The following NPR1 variants were observed in gnomAD, a reference collection of about 807,000 sequenced individuals.
The protein encoded by NPR1 is natriuretic peptide receptor 1.
Under a neutral mutation model 116.9 loss-of-function variants are expected in NPR1, and 57 were observed. The ratio of observed to expected loss-of-function variants is 0.49; its 90% CI spans 0.39 to 0.61. The LOEUF is 0.61. Among genes scored for constraint, NPR1 ranks in the 20% least tolerant of loss-of-function variants. The pLI, the probability that NPR1 is intolerant of heterozygous loss-of-function variation, is 0.00. For synonymous variants in NPR1, 555 were observed against 601.6 expected, an observed-to-expected ratio of 0.92 and a Z score of 1.13; for missense variants, 1,096 against 1,409.8, an observed-to-expected ratio of 0.78 and a Z score of 3.56.
chr1:153,682,615 T>C, intron 5 of NPR1, 26 bp downstream of exon 5: 1 of 1,556,696 alleles, frequency 6.4e-7, no homozygotes, highest in Non-Finnish European at 8.9e-7. Flanking sequence ...CAGAAGACAG[T>C]GCCAATTCCA....
chr1:153,686,895 C>A (rs1242108526), intron 11 of NPR1, 121 bp from the exon 12 acceptor site: 4 of 1,263,744 alleles, frequency 3.2e-6, no homozygotes, highest in African/African-American at 1.5e-5. Flanking sequence ...AGGGCAGTGG[C>A]ACTAGAGTCA....
rs1669684696 is a variant in NPR1 at position 153,679,159 on chromosome 1, CCTG to C, written c.59_61del (p.Leu20del). ...GCTCCCGCCTGCGCCTGCTCCTGCT[CCTG>C]CTGCTGCCGCCGCTGCTGCTGCTGC... On this transcript the variant is annotated inframe_deletion, in exon 1 of 22. Transcript: ENST00000368680. The surrounding 1 kb of genome is among the most constrained non-coding windows in gnomAD (Gnocchi z 4.2). 6.7e-7 allele frequency: 1 copy of C among 1,499,526 alleles called. No homozygotes were observed. The highest frequency in any genetic ancestry group is 8.8e-7 in the Non-Finnish European group (1 of 1,131,188). 92.9% of individuals were successfully genotyped at this position (1,499,526 alleles called of 1,614,324 possible).
chr1:153,686,038 G>T, intron 9 of NPR1, 85 bp from the exon 10 acceptor site: 2 of 1,465,548 alleles, frequency 1.4e-6, no homozygotes, highest in Non-Finnish European at 1.9e-6. Flanking sequence ...GGTCCTGAGG[G>T]CAGGGATGGG....
rs111230362 is a variant in NPR1 at position 153,689,120 on chromosome 1, AC to A, written c.2564+29del. Reference sequence around the variant, plus strand: ...CCTCAGTGAGTGCCTGAGTCTGGGGACCCCCCCCAACACAAAGCCCCTGTCC... The same window carrying A: ...CCTCAGTGAGTGCCTGAGTCTGGGGACCCCCCCAACACAAAGCCCCTGTCC... On this transcript the variant is annotated intron_variant, in intron 16 of 21. Transcript: ENST00000368680. The surrounding 1 kb of genome is among the most constrained non-coding windows in gnomAD (Gnocchi z 5.1). The A allele has an allele frequency of 1.0e-4, 169 of 1,610,864 alleles. No homozygotes were observed. The highest frequency in any genetic ancestry group is 9.6e-4 in the African/African-American group (71 of 74,190).
intron 20 of NPR1, among the ~76,000 whole-genome samples, chr1:153,691,774 C>G (rs576409194): frequency 6.6e-6 from 1 of 151,978 alleles, no homozygotes; most frequent in East Asian, 1.9e-4. Context: ...TGGCACGTGC[C>G]CGTAATCCCA....
Position 153,689,136 on chromosome 1 carries a change from A to T in NPR1, c.2564+37A>T, listed in dbSNP as rs778850563. The T allele has an allele frequency of 6.2e-7, 1 of 1,614,088 alleles. No homozygotes were observed. The highest frequency in any genetic ancestry group is 8.5e-7 in the Non-Finnish European group (1 of 1,179,968). On this transcript the variant is annotated intron_variant, in intron 16 of 21. Transcript: ENST00000368680. This position sits in a 1 kb window ranked among gnomAD's most constrained non-coding sequence, Gnocchi z 5.1. Reference sequence around the variant, plus strand: ...AGTCTGGGGACCCCCCCCAACACAAAGCCCCTGTCCCGACCCCCAACTCTG... The same window carrying T: ...AGTCTGGGGACCCCCCCCAACACAATGCCCCTGTCCCGACCCCCAACTCTG...
At position 153,686,198 on chromosome 1, in the gene NPR1, C is replaced by T. The variant is rs1669923300; in HGVS notation, c.1756C>T (p.His586Tyr). 2.5e-6 allele frequency: 4 copies of T among 1,613,894 alleles called. No individual in the cohort carries two copies. Among genetic ancestry groups the T allele is most frequent in the Non-Finnish European group, 3.4e-6 (4 of 1,179,872 alleles). Residue 586 changes from histidine (H) to tyrosine (Y), a missense_variant and splice_region_variant, in exon 10 of 22, where the codon CAT becomes TAT. His to Tyr is a moderately conservative substitution (Grantham distance 83). Transcript: ENST00000368680. ...LTRKVLFELKHMRDVQNEHLT... is the reference protein window; with the variant it reads ...LTRKVLFELKYMRDVQNEHLT... ...ACGAAAAGTCCTGTTTGAACTGAAGCATGTAATGTGGGGAGTGAGGCAGTG... is the reference window on the plus strand; with the variant it reads ...ACGAAAAGTCCTGTTTGAACTGAAGTATGTAATGTGGGGAGTGAGGCAGTG...
chr1:153,693,497 C>A lies in NPR1; in HGVS notation c.*83C>A. The A allele has an allele frequency of 8.0e-7, 1 of 1,252,980 alleles. No individual in the cohort carries two copies. The highest frequency in any genetic ancestry group is 1.1e-6 in the Non-Finnish European group (1 of 891,146). The allele number at this position is 1,252,980 out of a possible 1,614,324, so 77.6% of individuals were successfully genotyped here. A position where few individuals can be genotyped will look rare whatever the true frequency, so the allele number is the denominator to read the frequency against. ...TGCCAGGCCTCAGCCTCACCCACAG[C>A]AGCCCCATCGCCAAAGGATGGAAGT... is the stretch of plus-strand genomic sequence containing the variant. On this transcript the variant is annotated 3_prime_UTR_variant, in exon 22 of 22. Transcript: ENST00000368680.
chr1:153,682,640 C>T, intron 5 of NPR1, 51 bp downstream of exon 5: 1 of 1,350,362 alleles, frequency 7.4e-7, no homozygotes, highest in Non-Finnish European at 1.1e-6. Flanking sequence ...ACATCTCACC[C>T]TCCTACTTCC....
chr1:153,682,648 T>TCC, intron 5 of NPR1, 59 bp downstream of exon 5: 2 of 1,267,808 alleles, frequency 1.6e-6, no homozygotes, highest in South Asian at 1.2e-5. Context: ...CCCTCCTACT[T>TCC]CCCCCCCACA....
intron 4 of NPR1, among the ~76,000 whole-genome samples, chr1:153,682,089 C>CT (rs1456295591): frequency 6.6e-6 from 1 of 151,850 alleles, no homozygotes; most frequent in Non-Finnish European, 1.5e-5. Context: ...GAGTCTCGCT[C>CT]TGTCCCCAAG....
At chr1:153,680,362 C>T (rs1669733839) in intron 1 of NPR1, 139 bp from the exon 2 acceptor site, 1 of 705,358 alleles carries the variant, frequency 1.4e-6, no homozygotes, top group Non-Finnish European at 2.4e-6. Context: ...TAGGCTGAGC[C>T]GGGAGTTACC....
intron 4 of NPR1, 130 bp from the exon 5 acceptor site, chr1:153,682,368 A>C: frequency 2.9e-6 from 2 of 689,738 alleles, no homozygotes; most frequent in Non-Finnish European, 2.6e-6. Flanking sequence ...CCGTTTTACC[A>C]TTTACTATCA....
chr1:153,681,254 G>C lies in NPR1; in HGVS notation c.996G>C (p.Leu332=), dbSNP rs1209967372. 1.9e-6 allele frequency: 3 copies of C among 1,613,380 alleles called. No individual in the cohort carries two copies. The East Asian group carries it at 6.7e-5, about 36-fold the overall frequency. ...AATTCCTGAAGCAGTTAAAACACCT[G>C]GCCTATGAGCAGTTCAACTTCACCA... ...YLEFLKQLKH[L]AYEQFNFTME... Residue 332 remains leucine, a synonymous_variant, in exon 3 of 22, where the codon CTG becomes CTC. Coordinates refer to ENST00000368680, the MANE Select transcript of NPR1 (RefSeq NM_000906.4).
In NPR1 at chr1:153,686,757, G is replaced by A. The variant is rs373400610; in HGVS notation, c.1863+7G>A. 24 of 1,610,896 alleles carry A rather than the reference G, an allele frequency of 1.5e-5. No homozygotes were observed. The highest frequency in any genetic ancestry group is 1.9e-5 in the Non-Finnish European group (22 of 1,177,876). ...TCCCCGTGGGAGCCTGCAGGTGAGG[G>A]GGACAAGGGGTGTCAAGAAACCTGG... On this transcript the variant is annotated splice_region_variant and intron_variant, in intron 11 of 21. Transcript: ENST00000368680.
At chr1:153,688,253 C>T (rs1571351352) in intron 15 of NPR1, 32 bp downstream of exon 15, 1 of 1,599,646 alleles carries the variant, frequency 6.3e-7, no homozygotes, top group Non-Finnish European at 8.5e-7. Flanking sequence ...TCCCCCAGGC[C>T]CTTCCTCCAC....
At chr1:153,692,996 A>C in intron 20 of NPR1, 110 bp from the exon 21 acceptor site, 2 of 860,052 alleles carry the variant, frequency 2.3e-6, no homozygotes, top group Non-Finnish European at 3.7e-6. Flanking sequence ...AGAGGGAGAG[A>C]GGGTACCTGT....
At position 153,678,729 on chromosome 1, in the gene NPR1, A is replaced by C. The variant is rs1404331537; in HGVS notation, c.-380A>C. 4.3e-6 allele frequency: 1 copy of C among 233,908 alleles called. No homozygotes were observed. The allele number at this position is 233,908 out of a possible 1,614,324, so 14.5% of individuals were successfully genotyped here. A position where few individuals can be genotyped will look rare whatever the true frequency, so the allele number is the denominator to read the frequency against. ...GCGCTCACGCACGCTACAAACACAC[A>C]CTCCTCTTTCCTCCCTCGCGCGCCC... On this transcript the variant is annotated 5_prime_UTR_variant, in exon 1 of 22. Coordinates refer to ENST00000368680, the MANE Select transcript of NPR1 (RefSeq NM_000906.4). The surrounding 1 kb of genome is among the most constrained non-coding windows in gnomAD (Gnocchi z 5.8).
At chr1:153,681,040 A>C (rs917221486) in intron 2 of NPR1, 140 bp from the exon 3 acceptor site, 3 of 636,748 alleles carry the variant, frequency 4.7e-6, no homozygotes, top group African/African-American at 3.6e-5. Flanking sequence ...GCATCACTTC[A>C]TGCAGGGCAT....
Sources: gnomAD v4.1 joint callset for allele counts (sites outside exome capture counted in the v4.1 genomes callset) on GRCh38, gnomAD v4.1.1 for gene constraint, Gnocchi (gnomAD v3.1) non-coding constraint, MANE v1.5 for transcripts, NCBI Gene and HGNC (gene_info 2026-07-23, HGNC 2026-07-21) for gene names.